The following LRRC4C variants were observed in gnomAD, a reference collection of about 807,000 sequenced individuals.
LRRC4C encodes leucine-rich repeat-containing protein 4C.
In LRRC4C, 5 loss-of-function variants were observed where a neutral mutation model predicts 33.6. That is an observed-to-expected ratio of 0.15 (90% CI 0.08 to 0.31). LRRC4C has a LOEUF of 0.31. Among genes scored for constraint, LRRC4C ranks in the 10% least tolerant of loss-of-function variants. LRRC4C has a pLI of 1.00. For synonymous variants in LRRC4C, 329 were observed against 302.0 expected (o/e 1.09, Z -0.93); for missense variants, 560 against 796.7 (o/e 0.70, Z 3.58).
chr11:40,572,758 G>A lies in LRRC4C; in HGVS notation c.-270+75384C>T, dbSNP rs971159832. On this transcript the variant is annotated intron_variant, in intron 3 of 6. Transcript: ENST00000528697. The stretch of plus-strand genomic sequence containing the variant: ...AAGGTTGAGACAGGAGTCACACAGT[G>A]AGGGGACTCATAGAAGGCTTGACTT... Among the ~76,000 whole-genome samples, 4 of 152,170 alleles carry A rather than the reference G, an allele frequency of 2.6e-5. No homozygotes were observed. The East Asian group carries it at 5.8e-4, about 22-fold the overall frequency.
In LRRC4C at chr11:41,273,466, G is replaced by A. The variant is rs180724755; in HGVS notation, c.-496+185965C>T. On this transcript the variant is annotated intron_variant, in intron 1 of 6. Coordinates refer to ENST00000528697, the MANE Select transcript of LRRC4C (RefSeq NM_001258419.2). ...ATCAACATGGAAGAACCTAGAGGGC[G>A]TTATGCTAAATGAAATAAGCCATTC... Among the ~76,000 whole-genome samples, 327 of 152,226 alleles carry A rather than the reference G, an allele frequency of 2.1e-3. 1 individual carries two copies. Among genetic ancestry groups the A allele is most frequent in the Non-Finnish European group, 3.9e-3 (262 of 68,004 alleles).
At chr11:40,564,902 C>G (rs547513983) in intron 3 of LRRC4C, among the ~76,000 whole-genome samples, 1 of 152,224 alleles carries the variant, frequency 6.6e-6, no homozygotes, top group East Asian at 1.9e-4. Context: ...TGTAAGAAAT[C>G]CAAATGATCC....
chr11:40,166,971 A>C (rs896026088), intron 5 of LRRC4C, among the ~76,000 whole-genome samples: 3 of 152,154 alleles, frequency 2.0e-5, no homozygotes, highest in Admixed American at 1.3e-4. Context: ...GCCTGTGTCT[A>C]AATTATGACT....
At chr11:40,369,824 A>C (rs945537264) in intron 3 of LRRC4C, among the ~76,000 whole-genome samples, 1 of 152,334 alleles carries the variant, frequency 6.6e-6, no homozygotes, top group African/African-American at 2.4e-5. Context: ...AAAATCTAAT[A>C]GTTTTAAAAT....
intron 3 of LRRC4C, among the ~76,000 whole-genome samples, chr11:40,466,710 G>C (rs1438251075): frequency 2.0e-5 from 3 of 151,830 alleles, no homozygotes; most frequent in Non-Finnish European, 1.5e-5. Flanking sequence ...GATATCTTTT[G>C]TTTTTATATT....
chr11:41,088,787 C>T (rs1354709696), intron 1 of LRRC4C, among the ~76,000 whole-genome samples: 3 of 152,004 alleles, frequency 2.0e-5, no homozygotes, highest in Admixed American at 6.6e-5. Context: ...GTGGCTGAAG[C>T]TAAATCCTGA....
intron 6 of LRRC4C, among the ~76,000 whole-genome samples, chr11:40,116,760 T>C (rs572913263): frequency 6.6e-6 from 1 of 152,362 alleles, no homozygotes; most frequent in African/African-American, 2.4e-5. Context: ...ACATATTATA[T>C]TGAAGGTTAT....
At chr11:40,190,090 A>C (rs1014011309) in intron 5 of LRRC4C, among the ~76,000 whole-genome samples, 1 of 152,210 alleles carries the variant, frequency 6.6e-6, no homozygotes, top group African/African-American at 2.4e-5. Context: ...AGTGAAAAAA[A>C]GCTGCAGTTT....
At chr11:41,186,974 TTTAA>T (rs1470677613) in intron 1 of LRRC4C, among the ~76,000 whole-genome samples, 1 of 152,218 alleles carries the variant, frequency 6.6e-6, no homozygotes, top group African/African-American at 2.4e-5. Flanking sequence ...ACCCTGATTT[TTTAA>T]TTATATACAC....
At chr11:40,551,415 A>C (rs1169810146) in intron 3 of LRRC4C, among the ~76,000 whole-genome samples, 1 of 152,182 alleles carries the variant, frequency 6.6e-6, no homozygotes, top group African/African-American at 2.4e-5. Flanking sequence ...CTCTAAGGAG[A>C]ATAGAAAAAG....
rs550717463 is a variant in LRRC4C at position 41,459,028 on chromosome 11, C to T, written c.-496+403G>A. ...AAGTCCGGATTACATCCCCACCTCC[C>T]CAGCCCCCAGTCTCTGAGCAGATAC... On this transcript the variant is annotated intron_variant, in intron 1 of 6. Transcript: ENST00000528697. Among the ~76,000 whole-genome samples the T allele has an allele frequency of 3.9e-5, 6 of 152,228 alleles. No individual in the cohort carries two copies. The East Asian group carries it at 9.7e-4, about 25-fold the overall frequency.
intron 1 of LRRC4C, among the ~76,000 whole-genome samples, chr11:41,214,305 C>T (rs1347040653): frequency 6.6e-6 from 1 of 151,988 alleles, no homozygotes; most frequent in Non-Finnish European, 1.5e-5. Context: ...CTAGTGACTC[C>T]CTGAAGTACA....
intron 1 of LRRC4C, among the ~76,000 whole-genome samples, chr11:41,207,836 A>G (rs1946661440): frequency 2.0e-5 from 3 of 152,158 alleles, no homozygotes; most frequent in Non-Finnish European, 4.4e-5. Flanking sequence ...TCAGCAGGCT[A>G]ATATAGATTT....
At chr11:40,878,376 C>T (rs908683858) in intron 2 of LRRC4C, among the ~76,000 whole-genome samples, 1 of 152,118 alleles carries the variant, frequency 6.6e-6, no homozygotes, top group Non-Finnish European at 1.5e-5. Context: ...AACTTCTCTG[C>T]TAATGTTGAT....
At chr11:40,625,860 GA>G (rs1023632748) in intron 3 of LRRC4C, among the ~76,000 whole-genome samples, 63 of 151,846 alleles carry the variant, frequency 4.1e-4, no homozygotes, top group African/African-American at 1.5e-3. Flanking sequence ...TTTTTATGTA[GA>G]TTACTTCAAT....
intron 5 of LRRC4C, among the ~76,000 whole-genome samples, chr11:40,212,405 CT>C (rs1374715217): frequency 1.3e-5 from 2 of 150,830 alleles, no homozygotes; most frequent in African/African-American, 4.9e-5. Context: ...TTAGAAACTA[CT>C]TTTAGTAGTA....
At chr11:40,908,570 G>C (rs1956530199) in intron 2 of LRRC4C, among the ~76,000 whole-genome samples, 1 of 152,064 alleles carries the variant, frequency 6.6e-6, no homozygotes, top group Non-Finnish European at 1.5e-5. Context: ...CTCCGAAGAA[G>C]GTTCATTTGG....
chr11:40,480,109 A>G (rs1462643153), intron 3 of LRRC4C, among the ~76,000 whole-genome samples: 1 of 152,122 alleles, frequency 6.6e-6, no homozygotes, highest in African/African-American at 2.4e-5. Context: ...CACCCTCCAT[A>G]AAACAGAGAT....
chr11:40,874,234 T>C (rs1954778489), intron 2 of LRRC4C, among the ~76,000 whole-genome samples: 2 of 152,222 alleles, frequency 1.3e-5, no homozygotes, highest in African/African-American at 4.8e-5. Flanking sequence ...ACAAACCTCA[T>C]AGCTCAGAAT....
Sources: gnomAD v4.1 joint callset for allele counts (sites outside exome capture counted in the v4.1 genomes callset) on GRCh38, gnomAD v4.1.1 for gene constraint, MANE v1.5 for transcripts, NCBI Gene and HGNC (gene_info 2026-07-23, HGNC 2026-07-21) for gene names.